Variants in GPD1L observed in about 807,000 individuals in gnomAD.
GPD1L encodes glycerol-3-phosphate dehydrogenase 1-like protein.
GPD1L carries 17 observed loss-of-function variants against 32.9 expected under a neutral mutation model. That is an observed-to-expected ratio of 0.52 (90% CI 0.35 to 0.78). The LOEUF (loss-of-function observed/expected upper bound fraction) is 0.78, where lower values mean the gene tolerates loss of function less well. Ranked by LOEUF, GPD1L falls within the 30% of genes least tolerant of loss-of-function variation. GPD1L has a pLI of 0.01. For synonymous variants in GPD1L, 187 were observed against 165.9 expected (o/e 1.13, Z -0.98); for missense variants, 361 against 447.8 (o/e 0.81, Z 1.75).
chr3:32,152,614 T>C (rs1700934106), intron 5 of GPD1L, among the ~76,000 whole-genome samples: 1 of 152,058 alleles, frequency 6.6e-6, no homozygotes, highest in Non-Finnish European at 1.5e-5. Context: ...CCTCAGTCCA[T>C]TCATGAAGGC....
chr3:32,133,846 G>A (rs760483091), intron 2 of GPD1L, among the ~76,000 whole-genome samples: 1 of 152,188 alleles, frequency 6.6e-6, no homozygotes, highest in Non-Finnish European at 1.5e-5. Flanking sequence ...CAGGAAGTAC[G>A]AAAGAACCTT....
chr3:32,156,658 GT>G (rs1348555401), intron 5 of GPD1L, among the ~76,000 whole-genome samples: 1 of 152,090 alleles, frequency 6.6e-6, no homozygotes, highest in Non-Finnish European at 1.5e-5. Flanking sequence ...CGGTCTTCTG[GT>G]AAGCAATAGC....
chr3:32,121,847 C>T (rs185824040), intron 1 of GPD1L, among the ~76,000 whole-genome samples: 1,784 of 149,754 alleles, frequency 0.012, 9 homozygotes, highest in Non-Finnish European at 0.02. Context: ...TTCAGCTCAC[C>T]GCAACCTCTG....
chr3:32,112,001 A>G (rs536814123), intron 1 of GPD1L, among the ~76,000 whole-genome samples: 1 of 152,302 alleles, frequency 6.6e-6, no homozygotes, highest in African/African-American at 2.4e-5. Flanking sequence ...TTCCCTGAGG[A>G]CAGGCGCACG....
Position 32,158,923 on chromosome 3 carries a change from A to G in GPD1L, c.666A>G (p.Gly222=). ...GGTTCTGCGACGGCCTCCGCTGTGG[A>G]GACAACACCAAAGCGGCCGTCATCC... The part of the protein sequence containing the change: ...GAGFCDGLRC[G]DNTKAAVIRL... The change falls in exon 6 of 8, where the codon GGA becomes GGG. Residue 222 remains glycine (G), a synonymous_variant. Coordinates refer to ENST00000282541, the MANE Select transcript of GPD1L (RefSeq NM_015141.4). 1.2e-6 allele frequency: 2 copies of G among 1,614,036 alleles called. No individual in the cohort carries two copies. The highest frequency in any genetic ancestry group is 1.7e-6 in the Non-Finnish European group (2 of 1,179,994).
At chr3:32,138,963 C>T (rs1700703154) in intron 3 of GPD1L, among the ~76,000 whole-genome samples, 3 of 152,038 alleles carry the variant, frequency 2.0e-5, no homozygotes, top group Non-Finnish European at 4.4e-5. Context: ...AGAGCTGTGC[C>T]GCCCCTTCCA....
chr3:32,107,197 G>A (rs1220012180), intron 1 of GPD1L, among the ~76,000 whole-genome samples: 1 of 152,196 alleles, frequency 6.6e-6, no homozygotes, highest in Non-Finnish European at 1.5e-5. Flanking sequence ...GAGGGCTAAA[G>A]GGCTCTTGCT....
At chr3:32,154,249 A>T (rs1700958181) in intron 5 of GPD1L, among the ~76,000 whole-genome samples, 2 of 152,156 alleles carry the variant, frequency 1.3e-5, no homozygotes, top group African/African-American at 4.8e-5. Context: ...GGAAGGTTAA[A>T]TGTCTAGTAA....
chr3:32,108,050 A>G (rs565146990), intron 1 of GPD1L, among the ~76,000 whole-genome samples: 11 of 152,284 alleles, frequency 7.2e-5, no homozygotes, highest in African/African-American at 2.6e-4. Flanking sequence ...CTCCCTGCCT[A>G]AAAACTAATT....
In GPD1L at chr3:32,165,907, A is replaced by G. The variant is rs1334490847; in HGVS notation, c.1053A>G (p.Thr351=). The G allele has an allele frequency of 1.3e-6, 2 of 1,552,178 alleles. No homozygotes were observed. The highest frequency in any genetic ancestry group is 1.8e-6 in the Non-Finnish European group (2 of 1,123,408). ...GTCTTCAGAGCCATCCAGAGCATAC[A>G]TAAAGTGAATCATGCAACGTGTTGG... The part of the protein sequence containing the change: ...LSCLQSHPEH[T] The change falls in exon 8 of 8, where the codon ACA becomes ACG. Residue 351 remains threonine, a synonymous_variant. Coordinates refer to ENST00000282541, the MANE Select transcript of GPD1L (RefSeq NM_015141.4).
rs142003244 is a variant in GPD1L, at chr3:32,110,041, C to T, written c.47+3283C>T. 8.8e-3 allele frequency among the ~76,000 whole-genome samples: 1,342 copies of T among 152,344 alleles called. 26 individuals carry two copies. The highest frequency in any genetic ancestry group is 0.031 in the African/African-American group (1,274 of 41,576). On this transcript the variant is annotated intron_variant, in intron 1 of 7. Coordinates refer to ENST00000282541, the MANE Select transcript of GPD1L (RefSeq NM_015141.4). ...CACGCCATTCTCCTGCCTCAGCCTC[C>T]CAGGTAGCTGGGACTACAGGCACCC... is the stretch of plus-strand genomic sequence containing the variant.
At chr3:32,127,491 G>A (rs1312909950) in intron 1 of GPD1L, among the ~76,000 whole-genome samples, 3 of 152,236 alleles carry the variant, frequency 2.0e-5, no homozygotes, top group Non-Finnish European at 4.4e-5. Context: ...GAAAGCCTGT[G>A]GGAGACTGAG....
chr3:32,116,068 G>A (rs914757806), intron 1 of GPD1L, among the ~76,000 whole-genome samples: 2 of 152,048 alleles, frequency 1.3e-5, no homozygotes. Flanking sequence ...GTTTACAGAT[G>A]TGAGCCACCG....
At chr3:32,109,672 G>A (rs1700219415) in intron 1 of GPD1L, among the ~76,000 whole-genome samples, 1 of 152,224 alleles carries the variant, frequency 6.6e-6, no homozygotes, top group Non-Finnish European at 1.5e-5. Flanking sequence ...CTCAGAAACT[G>A]AAAACAACAT....
At chr3:32,149,329 G>A (rs973451879) in intron 5 of GPD1L, among the ~76,000 whole-genome samples, 6 of 152,110 alleles carry the variant, frequency 3.9e-5, no homozygotes, top group Admixed American at 6.5e-5. Context: ...CCAAAGTGCT[G>A]GGATTACAGG....
chr3:32,165,289 GA>G (rs1302325567), intron 7 of GPD1L, among the ~76,000 whole-genome samples: 1 of 151,638 alleles, frequency 6.6e-6, no homozygotes, highest in East Asian at 1.9e-4. Context: ...CATCTTGGAA[GA>G]AAAGGTAAGA....
At chr3:32,121,765 T>C (rs1364109648) in intron 1 of GPD1L, among the ~76,000 whole-genome samples, 1 of 137,694 alleles carries the variant, frequency 7.3e-6, no homozygotes, top group Non-Finnish European at 1.5e-5. Context: ...ATATATATAT[T>C]TCTATATATA....
intron 5 of GPD1L, among the ~76,000 whole-genome samples, chr3:32,149,656 C>A (rs902607152): frequency 1.3e-5 from 2 of 152,054 alleles, no homozygotes; most frequent in African/African-American, 4.8e-5. Flanking sequence ...AAGTGTAATT[C>A]ATGTAATTAG....
At chr3:32,163,012 G>T (rs930292144) in intron 7 of GPD1L, among the ~76,000 whole-genome samples, 9 of 127,130 alleles carry the variant, frequency 7.1e-5, no homozygotes, top group African/African-American at 2.4e-4. Context: ...GCCCACCTTG[G>T]CTTCCCAAAG....
Sources: gnomAD v4.1 joint callset for allele counts (sites outside exome capture counted in the v4.1 genomes callset) on GRCh38, gnomAD v4.1.1 for gene constraint, MANE v1.5 for transcripts, NCBI Gene and HGNC (gene_info 2026-07-23, HGNC 2026-07-21) for gene names.